The following MAP2K1 variants were observed in gnomAD, a reference collection of about 807,000 sequenced individuals.
MAP2K1 encodes mitogen-activated protein kinase kinase 1.
Under a neutral mutation model 46.3 loss-of-function variants are expected in MAP2K1, and 16 were observed. The ratio of observed to expected loss-of-function variants is 0.35; its 90% CI spans 0.23 to 0.52. The LOEUF (loss-of-function observed/expected upper bound fraction) is 0.52, where lower values mean the gene tolerates loss of function less well. Ranked by LOEUF, MAP2K1 falls within the 20% of genes least tolerant of loss-of-function variation. The pLI, the probability that MAP2K1 is intolerant of heterozygous loss-of-function variation, is 0.94. For missense variants in MAP2K1, 263 were observed against 497.1 expected, an observed-to-expected ratio of 0.53 and a Z score of 4.48; for synonymous variants, 183 against 185.6, an observed-to-expected ratio of 0.99 and a Z score of 0.11.
At chr15:66,428,808 G>A (rs957796292) in intron 1 of MAP2K1, among the ~76,000 whole-genome samples, 1 of 118,138 alleles carries the variant, frequency 8.5e-6, no homozygotes, top group African/African-American at 3.5e-5. Flanking sequence ...TTGAGACAGG[G>A]TCTCATTGTC....
intron 1 of MAP2K1, among the ~76,000 whole-genome samples, chr15:66,395,553 C>G (rs1595836633): frequency 6.6e-6 from 1 of 150,784 alleles, no homozygotes; most frequent in South Asian, 2.1e-4. Flanking sequence ...CTGAAATGCC[C>G]TCCTCCACTT....
At chr15:66,468,570 T>C (rs1417884800) in intron 5 of MAP2K1, among the ~76,000 whole-genome samples, 2 of 152,222 alleles carry the variant, frequency 1.3e-5, no homozygotes, top group African/African-American at 4.8e-5. Context: ...ATCTCTGAGT[T>C]CTGAGTAGAG....
chr15:66,395,110 A>G (rs890300029), intron 1 of MAP2K1, among the ~76,000 whole-genome samples: 33 of 152,226 alleles, frequency 2.2e-4, no homozygotes, highest in Admixed American at 2.2e-3. Context: ...TCTGAGTGGC[A>G]TATGTTCCAA....
At chr15:66,408,381 A>G (rs990259813) in intron 1 of MAP2K1, among the ~76,000 whole-genome samples, 2 of 152,238 alleles carry the variant, frequency 1.3e-5, no homozygotes, top group Non-Finnish European at 2.9e-5. Flanking sequence ...AGGAGTCTGC[A>G]AAAGGTGCCT....
rs774177287 is a variant in MAP2K1, at chr15:66,444,754, T to C, written c.568+47T>C. On this transcript the variant is annotated intron_variant, in intron 5 of 10. Transcript: ENST00000307102. ...ATTTTGCTTTGAATTTTAGATATAA[T>C]CCAAAGGCTGTTGCTTCCTCTTTTT... The C allele has an allele frequency of 3.4e-6, 5 of 1,461,574 alleles. No homozygotes were observed. In the East Asian group the frequency reaches 1.1e-4, roughly 33 times the overall value. The allele number at this position is 1,461,574 out of a possible 1,614,324, so 90.5% of individuals were successfully genotyped here. A position where few individuals can be genotyped will look rare whatever the true frequency, so the allele number is the denominator to read the frequency against.
Position 66,487,223 on chromosome 15 carries a change from T to C in MAP2K1, c.896-5T>C, listed in dbSNP as rs748953467. ...AAGTATTTTTTCTTTTTATAAAATTTGTAGCATACGGAATGGACAGCCGAC... is the reference window on the plus strand; with the variant it reads ...AAGTATTTTTTCTTTTTATAAAATTCGTAGCATACGGAATGGACAGCCGAC... On this transcript the variant is annotated splice_region_variant and splice_polypyrimidine_tract_variant and intron_variant, in intron 7 of 10. Transcript: ENST00000307102. The C allele has an allele frequency of 3.8e-5, 61 of 1,613,538 alleles. 2 individuals carry two copies. In the South Asian group the frequency reaches 6.3e-4, roughly 17 times the overall value.
At chr15:66,423,392 T>TC (rs756108502) in intron 1 of MAP2K1, among the ~76,000 whole-genome samples, 5 of 151,488 alleles carry the variant, frequency 3.3e-5, no homozygotes, top group African/African-American at 7.3e-5. Context: ...ATAAGGTTGT[T>TC]CCCCCCCATC....
intron 5 of MAP2K1, among the ~76,000 whole-genome samples, chr15:66,469,723 C>CACACACACACACACAT (rs143830560): frequency 0.077 from 10,297 of 134,184 alleles, 901 homozygotes; most frequent in East Asian, 0.15. Context: ...CACACACACA[C>CACACACACACACACAT]ATATCGGATG....
At chr15:66,414,334 C>T (rs2093419485) in intron 1 of MAP2K1, among the ~76,000 whole-genome samples, 1 of 152,024 alleles carries the variant, frequency 6.6e-6, no homozygotes, top group East Asian at 1.9e-4. Context: ...TCACTATCCT[C>T]TCAGGTTCCA....
rs563780204 is a variant in MAP2K1 at position 66,403,978 on chromosome 15, A to G, written c.80+16551A>G. ...AAACCTTTTGTTTAATGGTTTACTCAAATCCAGATAGAAATTCTACCAAAA... is the reference window on the plus strand; with the variant it reads ...AAACCTTTTGTTTAATGGTTTACTCGAATCCAGATAGAAATTCTACCAAAA... On this transcript the variant is annotated intron_variant, in intron 1 of 10. Transcript: ENST00000307102. Among the ~76,000 whole-genome samples, 40 of 152,322 alleles carry G rather than the reference A, an allele frequency of 2.6e-4. 1 individual carries two copies. The South Asian group carries it at 5.8e-3, about 22-fold the overall frequency.
At chr15:66,431,241 G>C (rs190063033) in intron 1 of MAP2K1, among the ~76,000 whole-genome samples, 1 of 152,158 alleles carries the variant, frequency 6.6e-6, no homozygotes, top group African/African-American at 2.4e-5. Context: ...TGATATAGTC[G>C]TTGGGTGAGG....
chr15:66,401,818 C>T (rs1466529541), intron 1 of MAP2K1: 2 of 530,556 alleles, frequency 3.8e-6, no homozygotes, highest in Non-Finnish European at 3.7e-6. Context: ...AATGGAGGGG[C>T]GTGGCAGGAA....
chr15:66,418,941 C>T (rs1453938811), intron 1 of MAP2K1, among the ~76,000 whole-genome samples: 29 of 141,036 alleles, frequency 2.1e-4, no homozygotes, highest in African/African-American at 6.0e-4. Flanking sequence ...CCACTGTGCC[C>T]GGCCTTTTTT....
At chr15:66,430,819 G>A (rs1436369156) in intron 1 of MAP2K1, among the ~76,000 whole-genome samples, 2 of 152,180 alleles carry the variant, frequency 1.3e-5, no homozygotes, top group East Asian at 3.8e-4. Context: ...GAGATGAAAG[G>A]AAGGACATGT....
intron 1 of MAP2K1, among the ~76,000 whole-genome samples, chr15:66,387,742 T>G (rs2093345648): frequency 1.3e-5 from 2 of 152,226 alleles, no homozygotes; most frequent in Admixed American, 1.3e-4. Flanking sequence ...CTCCCAGTTC[T>G]GTTCTAAATG....
At position 66,435,255 on chromosome 15, in the gene MAP2K1, A is replaced by C. The variant is rs577549188; in HGVS notation, c.291+18A>C. The C allele has an allele frequency of 2.1e-4, 330 of 1,606,022 alleles. 1 individual carries two copies. Among genetic ancestry groups the C allele is most frequent in the Non-Finnish European group, 3.4e-5 (40 of 1,172,588 alleles). On this transcript the variant is annotated intron_variant, in intron 2 of 10. Coordinates refer to ENST00000307102, the MANE Select transcript of MAP2K1 (RefSeq NM_002755.4). ...CCAGAAAGGTGAGTTTGCCTTGATT[A>C]ACAGGTAATTGGATTATTTCTCAGG...
intron 9 of MAP2K1, chr15:66,489,489 T>C (rs1357456347): frequency 1.4e-5 from 9 of 665,916 alleles, no homozygotes; most frequent in Non-Finnish European, 2.4e-5. Context: ...AGCTGCTCCT[T>C]TTGGTACTTG....
At chr15:66,413,955 C>CTT (rs71450104) in intron 1 of MAP2K1, among the ~76,000 whole-genome samples, 115 of 98,224 alleles carry the variant, frequency 1.2e-3, no homozygotes, top group African/African-American at 2.3e-3. Context: ...GGTGAAGGGA[C>CTT]TTTTTTTTTT....
rs575930082 is a variant in MAP2K1, at chr15:66,489,295, C to T, written c.1022+19C>T. The T allele has an allele frequency of 6.2e-7, 1 of 1,608,730 alleles. No homozygotes were observed. The highest frequency in any genetic ancestry group is 1.3e-5 in the African/African-American group (1 of 74,936). On this transcript the variant is annotated intron_variant, in intron 9 of 10. Transcript: ENST00000307102. ...ATAAATGGTAAGTTGGCTCCTTGTT[C>T]TCTGGAAGCGTATACTCTGGATTTG...
Sources: gnomAD v4.1 joint callset for allele counts (sites outside exome capture counted in the v4.1 genomes callset) on GRCh38, gnomAD v4.1.1 for gene constraint, MANE v1.5 for transcripts, NCBI Gene and HGNC (gene_info 2026-07-23, HGNC 2026-07-21) for gene names.